Variants in TMTC4 observed in about 807,000 individuals in gnomAD.
The protein encoded by TMTC4 is transmembrane O-mannosyltransferase targeting cadherins 4.
In TMTC4, 65 loss-of-function variants were observed where a neutral mutation model predicts 86.0. The observed-to-expected ratio is 0.76, with a 90% CI of 0.62 to 0.93. The LOEUF (loss-of-function observed/expected upper bound fraction) is 0.93, where lower values mean the gene tolerates loss of function less well. TMTC4 is among the 40% of genes least tolerant of loss of function. The pLI is 0.00. For synonymous variants in TMTC4, 379 were observed against 382.5 expected (o/e 0.99, Z 0.11); for missense variants, 866 against 948.1 (o/e 0.91, Z 1.14).
intron 3 of TMTC4, among the ~76,000 whole-genome samples, chr13:100,664,789 A>G (rs1356606992): frequency 6.6e-6 from 1 of 152,130 alleles, no homozygotes; most frequent in Non-Finnish European, 1.5e-5. Flanking sequence ...TCACCCTGTC[A>G]AGCAATGTGT....
intron 1 of TMTC4, among the ~76,000 whole-genome samples, chr13:100,672,527 G>A (rs1276260542): frequency 6.6e-6 from 1 of 152,140 alleles, no homozygotes; most frequent in African/African-American, 2.4e-5. Flanking sequence ...GTTTCACTCT[G>A]CCACCCAGGC....
chr13:100,639,921 C>G (rs563420558), intron 7 of TMTC4, among the ~76,000 whole-genome samples: 1 of 150,998 alleles, frequency 6.6e-6, no homozygotes, highest in Admixed American at 6.6e-5. Flanking sequence ...GCCAGAGCGA[C>G]AAGAGAGAAA....
intron 12 of TMTC4, 29 bp downstream of exon 12, chr13:100,634,776 C>A: frequency 6.2e-7 from 1 of 1,605,678 alleles, no homozygotes; most frequent in Non-Finnish European, 8.5e-7. Flanking sequence ...TAGTAAGGTC[C>A]CTTTAAAAGA....
intron 12 of TMTC4, among the ~76,000 whole-genome samples, chr13:100,631,969 A>C (rs140689869): frequency 4.0e-5 from 6 of 150,240 alleles, no homozygotes; most frequent in Non-Finnish European, 8.9e-5. Flanking sequence ...CACTGGGTCC[A>C]TTTTGAAGAT....
intron 3 of TMTC4, chr13:100,668,216 GT>G (rs34960647): frequency 3.3e-3 from 513 of 157,558 alleles, no homozygotes; most frequent in South Asian, 0.01. Context: ...TGCGTGATGG[GT>G]TTTTTTTTTT....
intron 3 of TMTC4, 93 bp downstream of exon 3, chr13:100,668,486 A>T: frequency 7.5e-7 from 1 of 1,327,226 alleles, no homozygotes; most frequent in Non-Finnish European, 1.1e-6. Context: ...TGCTTAACCT[A>T]CATTCCACAG....
chr13:100,657,120 A>G (rs1885210069), intron 5 of TMTC4, among the ~76,000 whole-genome samples: 1 of 152,210 alleles, frequency 6.6e-6, no homozygotes. Flanking sequence ...CCAAAGACTT[A>G]GTCTTCTGAG....
intron 6 of TMTC4, among the ~76,000 whole-genome samples, 159 bp downstream of exon 6, chr13:100,656,222 G>A (rs1885089178): frequency 6.6e-6 from 1 of 152,166 alleles, no homozygotes. Context: ...GGCACAAATA[G>A]ACATACATAT....
chr13:100,669,359 C>T (rs1307802158), intron 2 of TMTC4, among the ~76,000 whole-genome samples: 1 of 151,994 alleles, frequency 6.6e-6, no homozygotes, highest in African/African-American at 2.4e-5. Context: ...AGGCGGGGCA[C>T]AGGATCGAAT....
chr13:100,625,372 A>C, intron 15 of TMTC4, 163 bp downstream of exon 15: 1 of 997,430 alleles, frequency 1.0e-6, no homozygotes, highest in Non-Finnish European at 1.5e-6. Flanking sequence ...GCTTTAAAAA[A>C]TTACTCAAAA....
chr13:100,642,660 A>T lies in TMTC4; in HGVS notation c.641-349T>A, dbSNP rs551854464. On this transcript the variant is annotated intron_variant, in intron 6 of 18. Coordinates refer to ENST00000342624, the MANE Select transcript of TMTC4 (RefSeq NM_032813.5). Reference sequence around the variant, plus strand: ...ACCATTCTGACGAGTCTTTTTGAGAACTCTCACTGAGACTGCAAACAGTCC... The same window carrying T: ...ACCATTCTGACGAGTCTTTTTGAGATCTCTCACTGAGACTGCAAACAGTCC... 2.9e-3 allele frequency among the ~76,000 whole-genome samples: 441 copies of T among 152,168 alleles called. 3 individuals carry two copies. The highest frequency in any genetic ancestry group is 0.027 in the Middle Eastern group (8 of 294).
upstream of TMTC4, chr13:100,674,851 C>A (rs1384098474): frequency 3.1e-6 from 3 of 973,582 alleles, no homozygotes; most frequent in South Asian, 1.4e-4. Context: ...CCGCCGCGCA[C>A]CCGACCCCCC....
At chr13:100,644,249 G>A (rs1594322118) in intron 6 of TMTC4, among the ~76,000 whole-genome samples, 1 of 151,886 alleles carries the variant, frequency 6.6e-6, no homozygotes, top group Admixed American at 6.6e-5. Flanking sequence ...GACTACAGGC[G>A]CCCGCCACCA....
At position 100,604,963 on chromosome 13, in the gene TMTC4, C is replaced by A; in HGVS notation, c.*31G>T. The stretch of plus-strand genomic sequence containing the variant: ...TAATGATATGCCTCATGCACACACA[C>A]ACTCAAACTCAAAACATGAAGGAAA... On this transcript the variant is annotated 3_prime_UTR_variant, in exon 19 of 19. Coordinates refer to ENST00000342624, the MANE Select transcript of TMTC4 (RefSeq NM_032813.5). 6.2e-7 allele frequency: 1 copy of A among 1,607,922 alleles called. No homozygotes were observed. The highest frequency in any genetic ancestry group is 8.5e-7 in the Non-Finnish European group (1 of 1,177,346).
intron 10 of TMTC4, chr13:100,635,705 A>G (rs17475598): frequency 0.18 from 28,213 of 153,132 alleles, 2,904 homozygotes; most frequent in Admixed American, 0.24. Context: ...CATCACCACC[A>G]TAAATTTCAG....
intron 12 of TMTC4, among the ~76,000 whole-genome samples, chr13:100,628,626 G>C (rs149573919): frequency 6.6e-6 from 1 of 152,286 alleles, no homozygotes; most frequent in African/African-American, 2.4e-5. Flanking sequence ...AATGAGGAAA[G>C]GATTTTCAAT....
At chr13:100,673,932 C>A in intron 1 of TMTC4, 1 of 690,460 alleles carries the variant, frequency 1.4e-6, no homozygotes, top group Non-Finnish European at 1.8e-6. Flanking sequence ...CATTTATTTG[C>A]TCTCCCGGGG....
At chr13:100,642,392 C>G in intron 6 of TMTC4, 81 bp from the exon 7 acceptor site, 1 of 1,472,116 alleles carries the variant, frequency 6.8e-7, no homozygotes, top group Non-Finnish European at 9.4e-7. Context: ...AAATTCTAAG[C>G]AAATACCTTA....
In TMTC4 at chr13:100,625,610, T is replaced by C. The variant is rs2138807639; in HGVS notation, c.1761A>G (p.Ala587=). ...TTGCTGTCCGGTAACTTTGCTCTGCTGCTTCAAACCGTTTCAGGCTATTCT... is the reference window on the plus strand; with the variant it reads ...TTGCTGTCCGGTAACTTTGCTCTGCCGCTTCAAACCGTTTCAGGCTATTCT... ...IVQNSLKRFE[A]AEQSYRTAIK... is the part of the protein sequence containing the mutation. Residue 587 remains alanine (A), a synonymous_variant, in exon 15 of 19, where the codon GCA becomes GCG. Coordinates refer to ENST00000342624, the MANE Select transcript of TMTC4 (RefSeq NM_032813.5). The C allele has an allele frequency of 6.2e-7, 1 of 1,614,238 alleles. No individual in the cohort carries two copies.
Sources: gnomAD v4.1 joint callset for allele counts (sites outside exome capture counted in the v4.1 genomes callset) on GRCh38, gnomAD v4.1.1 for gene constraint, MANE v1.5 for transcripts, NCBI Gene and HGNC (gene_info 2026-07-23, HGNC 2026-07-21) for gene names.